EPC2: variants seen among roughly 807,000 people sequenced by gnomAD.
The protein encoded by EPC2 is enhancer of polycomb homolog 2.
EPC2 carries 14 observed loss-of-function variants against 92.1 expected under a neutral mutation model. The observed-to-expected ratio is 0.15, with a 90% CI of 0.10 to 0.24. The LOEUF is 0.24. Ranked by LOEUF, EPC2 falls within the 10% of genes least tolerant of loss-of-function variation. The pLI is 1.00. For synonymous variants in EPC2, 340 were observed against 334.7 expected (o/e 1.02, Z -0.17); for missense variants, 755 against 971.5 (o/e 0.78, Z 2.96).
rs796904339 is a variant in EPC2, at chr2:148,739,581, CCAGT to C, written c.314-4038_314-4035del. On this transcript the variant is annotated intron_variant, in intron 2 of 13. Coordinates refer to ENST00000258484, the MANE Select transcript of EPC2 (RefSeq NM_015630.4). ...ACTATATATATTTTGTAAGCTATAA[CCAGT>C]CAATGTGTGAATGCTTTATATATTC... 1.8e-4 allele frequency among the ~76,000 whole-genome samples: 27 copies of C among 152,252 alleles called. 1 individual carries two copies. The highest frequency in any genetic ancestry group is 6.3e-4 in the African/African-American group (26 of 41,566).
At chr2:148,662,585 C>A (rs1036870786) in intron 1 of EPC2, among the ~76,000 whole-genome samples, 6 of 151,564 alleles carry the variant, frequency 4.0e-5, no homozygotes, top group African/African-American at 1.5e-4. Flanking sequence ...CCAAACACCG[C>A]GTGTTGTCAC....
chr2:148,682,971 T>C (rs1315256258), intron 1 of EPC2, among the ~76,000 whole-genome samples: 1 of 152,244 alleles, frequency 6.6e-6, no homozygotes, highest in East Asian at 1.9e-4. Context: ...CATTTGCTTT[T>C]AATTTATAGA....
intron 1 of EPC2, among the ~76,000 whole-genome samples, chr2:148,678,451 G>A (rs929997940): frequency 2.0e-5 from 3 of 152,260 alleles, no homozygotes; most frequent in African/African-American, 4.8e-5. Context: ...TGGAGCAGGG[G>A]GTGGCGCTTG....
At chr2:148,735,270 G>A (rs999537341) in intron 2 of EPC2, among the ~76,000 whole-genome samples, 3 of 151,996 alleles carry the variant, frequency 2.0e-5, no homozygotes, top group South Asian at 2.1e-4. Flanking sequence ...CACCAGTAGT[G>A]TATGAGAGTT....
At chr2:148,717,074 G>A (rs183505004) in intron 2 of EPC2, among the ~76,000 whole-genome samples, 319 of 152,116 alleles carry the variant, frequency 2.1e-3, no homozygotes, top group African/African-American at 7.4e-3. Flanking sequence ...TGTGGGGTCA[G>A]TGGTGATATC....
At chr2:148,706,957 T>C (rs1029537741) in intron 2 of EPC2, among the ~76,000 whole-genome samples, 11 of 151,992 alleles carry the variant, frequency 7.2e-5, no homozygotes, top group Admixed American at 1.3e-4. Flanking sequence ...GCAAAATAAC[T>C]AGCTAACATC....
chr2:148,775,480 G>T (rs919296451), intron 10 of EPC2, among the ~76,000 whole-genome samples: 12 of 151,808 alleles, frequency 7.9e-5, no homozygotes, highest in African/African-American at 2.7e-4. Context: ...TTTACATTTA[G>T]TTTTAGTTTT....
intron 2 of EPC2, among the ~76,000 whole-genome samples, chr2:148,719,953 G>A (rs1307065484): frequency 6.6e-6 from 1 of 152,212 alleles, no homozygotes; most frequent in African/African-American, 2.4e-5. Context: ...CTCTGGCTGG[G>A]AGGACCCGCC....
chr2:148,766,140 CAG>C (rs1413256873), intron 7 of EPC2, among the ~76,000 whole-genome samples: 23 of 152,138 alleles, frequency 1.5e-4, no homozygotes, highest in Admixed American at 6.5e-5. Flanking sequence ...GGAAACTTAA[CAG>C]AAAATACTGT....
intron 1 of EPC2, among the ~76,000 whole-genome samples, chr2:148,664,300 A>G (rs1681015184): frequency 1.3e-5 from 2 of 152,106 alleles, no homozygotes; most frequent in Admixed American, 6.6e-5. Context: ...GGAGTTTGAG[A>G]CCAGCCTGGG....
intron 1 of EPC2, among the ~76,000 whole-genome samples, chr2:148,655,316 A>G (rs1034523271): frequency 1.3e-5 from 2 of 152,146 alleles, no homozygotes; most frequent in Non-Finnish European, 2.9e-5. Context: ...TTTTGGTGAC[A>G]TGGACTCTTT....
At chr2:148,691,821 A>T (rs770168149) in intron 2 of EPC2, 1 of 675,284 alleles carries the variant, frequency 1.5e-6, no homozygotes, top group African/African-American at 1.8e-5. Context: ...CCCTTTCTGC[A>T]TGGCTAATTT....
intron 1 of EPC2, among the ~76,000 whole-genome samples, chr2:148,654,103 C>G (rs1255016739): frequency 6.6e-6 from 1 of 151,998 alleles, no homozygotes; most frequent in Non-Finnish European, 1.5e-5. Context: ...CACACGCCAC[C>G]ACGCCCAGCT....
At chr2:148,696,672 TG>T (rs1681752384) in intron 2 of EPC2, among the ~76,000 whole-genome samples, 1 of 152,198 alleles carries the variant, frequency 6.6e-6, no homozygotes. Context: ...GAAGATACCC[TG>T]AGGTAACTCA....
chr2:148,686,523 G>C (rs1419746638), intron 1 of EPC2, among the ~76,000 whole-genome samples: 1 of 152,172 alleles, frequency 6.6e-6, no homozygotes, highest in East Asian at 1.9e-4. Context: ...ATCTACAATA[G>C]TGAATCCTTT....
In EPC2 at chr2:148,691,797, A is replaced by G. The variant is rs974059808; in HGVS notation, c.313+1424A>G. 2.1e-5 allele frequency: 15 copies of G among 710,032 alleles called. No homozygotes were observed. In the African/African-American group the frequency reaches 2.3e-4, roughly 11 times the overall value. The allele number at this position is 710,032 out of a possible 1,614,324, so 44.0% of individuals were successfully genotyped here. ...ACCTAAGGGCAAGTTGAGAAATACA[A>G]AATTCTTTGCTTTCCCTTTCTGCAT... On this transcript the variant is annotated intron_variant, in intron 2 of 13. Coordinates refer to ENST00000258484, the MANE Select transcript of EPC2 (RefSeq NM_015630.4).
intron 3 of EPC2, among the ~76,000 whole-genome samples, chr2:148,746,338 C>T (rs1574619505): frequency 6.6e-6 from 1 of 152,154 alleles, no homozygotes; most frequent in East Asian, 1.9e-4. Context: ...AACTTACTGT[C>T]TTACCCTATG....
chr2:148,747,576 T>C (rs555643656), intron 3 of EPC2, among the ~76,000 whole-genome samples: 1 of 152,152 alleles, frequency 6.6e-6, no homozygotes, highest in African/African-American at 2.4e-5. Context: ...CTTCTTATGT[T>C]TACCTTTTAC....
chr2:148,769,999 T>G (rs1225071158), intron 8 of EPC2, among the ~76,000 whole-genome samples: 1 of 152,058 alleles, frequency 6.6e-6, no homozygotes, highest in Non-Finnish European at 1.5e-5. Flanking sequence ...ATGAAGGGAA[T>G]GGGAAGGCAG....
Sources: allele counts gnomAD v4.1 joint callset (sites outside exome capture counted in the v4.1 genomes callset), GRCh38; gene constraint gnomAD v4.1.1; transcripts MANE v1.5; gene names NCBI Gene and HGNC (gene_info 2026-07-23, HGNC 2026-07-21).